Variants in RNF128 observed in about 807,000 individuals in gnomAD.
RNF128 encodes ring finger protein 128, also known as E3 ubiquitin-protein ligase RNF128.
RNF128 carries 13 observed loss-of-function variants against 26.2 expected under a neutral mutation model. The observed-to-expected ratio is 0.50, with a 90% CI of 0.32 to 0.79. RNF128 has a LOEUF of 0.79. Ranked by LOEUF, RNF128 falls within the 30% of genes least tolerant of loss-of-function variation. RNF128 has a pLI of 0.03. For missense variants in RNF128, 315 were observed against 349.7 expected, an observed-to-expected ratio of 0.90 and a Z score of 0.79; for synonymous variants, 149 against 142.5, an observed-to-expected ratio of 1.05 and a Z score of -0.32.
intron 1 of RNF128, among the ~76,000 whole-genome samples, chrX:106,704,410 C>G (rs1380978694): frequency 1.1e-4 from 9 of 85,433 alleles, no homozygotes; most frequent in Non-Finnish European, 1.5e-4. Flanking sequence ...CCAGCCTGGG[C>G]GACAGAGCGA....
intron 1 of RNF128, among the ~76,000 whole-genome samples, chrX:106,718,838 T>C (rs1390698139): frequency 6.2e-5 from 7 of 112,071 alleles, no homozygotes; most frequent in Admixed American, 9.4e-5. Context: ...GAATCATGAG[T>C]GGCAAGGCAG....
intron 1 of RNF128, among the ~76,000 whole-genome samples, chrX:106,721,288 G>C (rs1344818525): frequency 1.8e-5 from 2 of 112,002 alleles, no homozygotes; most frequent in East Asian, 5.6e-4. Flanking sequence ...GCATCACTTA[G>C]ATGCCAGGAT....
intron 4 of RNF128, among the ~76,000 whole-genome samples, chrX:106,788,435 ATAT>A (rs1261227069): frequency 1.3e-4 from 6 of 46,056 alleles, no homozygotes; most frequent in Non-Finnish European, 1.4e-4. Flanking sequence ...ATTATATATA[ATAT>A]TATTATAATT....
At chrX:106,762,886 G>A (rs1930143656) in intron 1 of RNF128, among the ~76,000 whole-genome samples, 1 of 109,643 alleles carries the variant, frequency 9.1e-6, no homozygotes, top group Non-Finnish European at 1.9e-5. Context: ...TGGAGGAAGG[G>A]AGGAGGATGA....
intron 2 of RNF128, among the ~76,000 whole-genome samples, chrX:106,783,965 AC>A (rs1445701973): frequency 1.8e-5 from 2 of 111,012 alleles, no homozygotes; most frequent in African/African-American, 6.6e-5. Context: ...AATACCTCCC[AC>A]CACGCCCCAC....
chrX:106,721,078 C>T (rs1569436798), intron 1 of RNF128, among the ~76,000 whole-genome samples: 1 of 112,085 alleles, frequency 8.9e-6, no homozygotes, highest in Non-Finnish European at 1.9e-5. Context: ...TCTTCATTTG[C>T]AAGTGACATT....
At chrX:106,711,728 G>A (rs1015944943) in intron 1 of RNF128, among the ~76,000 whole-genome samples, 2 of 110,337 alleles carry the variant, frequency 1.8e-5, no homozygotes, top group African/African-American at 6.6e-5. Flanking sequence ...TTTAAGTTCC[G>A]GGATACATGT....
intron 2 of RNF128, among the ~76,000 whole-genome samples, chrX:106,774,925 T>A (rs1930441021): frequency 8.9e-6 from 1 of 112,395 alleles, no homozygotes; most frequent in African/African-American, 3.2e-5. Flanking sequence ...GATTTTTATA[T>A]AGCAAGAAAG....
intron 1 of RNF128, among the ~76,000 whole-genome samples, chrX:106,753,218 G>T (rs990392847): frequency 3.6e-5 from 4 of 111,388 alleles, no homozygotes; most frequent in African/African-American, 1.3e-4. Context: ...ACTAAGAGAT[G>T]AACCTATCAA....
intron 1 of RNF128, among the ~76,000 whole-genome samples, chrX:106,718,783 G>A (rs375413502): frequency 5.4e-5 from 6 of 111,878 alleles, no homozygotes; most frequent in African/African-American, 1.9e-4. Flanking sequence ...CAACATAACC[G>A]TAACACTTGT....
upstream of RNF128, chrX:106,726,695 G>A: frequency 9.8e-7 from 1 of 1,020,949 alleles, no homozygotes; most frequent in Non-Finnish European, 1.2e-6. Flanking sequence ...GCCCGACGCG[G>A]CAGCCGCGGT....
intron 1 of RNF128, among the ~76,000 whole-genome samples, chrX:106,728,329 A>G (rs1929444984): frequency 8.9e-6 from 1 of 112,050 alleles, no homozygotes. Flanking sequence ...CTTGGTTTAA[A>G]TTCCTACTCT....
rs1437520614 is a variant in RNF128, at chrX:106,753,225, T to C, written c.485-19688T>C. On this transcript the variant is annotated intron_variant, in intron 1 of 6. Transcript: ENST00000255499. ...GTAGGAAGACTAAGAGATGAACCTA[T>C]CAAAAATAATAACTGCAAGTTTTGA... Among the ~76,000 whole-genome samples the C allele has an allele frequency of 4.5e-5, 5 of 111,133 alleles. No individual in the cohort carries two copies. The East Asian group carries it at 8.5e-4, about 19-fold the overall frequency.
At chrX:106,794,805 C>A (rs929472673) in intron 6 of RNF128, among the ~76,000 whole-genome samples, 1 of 110,946 alleles carries the variant, frequency 9.0e-6, no homozygotes, top group Non-Finnish European at 1.9e-5. Flanking sequence ...CAATCCCACA[C>A]TACAGGGTTC....
chrX:106,694,391 T>C, exon 1 of RNF128: 1 of 1,183,766 alleles, frequency 8.4e-7, no homozygotes, highest in Non-Finnish European at 1.1e-6. Flanking sequence ...AATCAGACGA[T>C]ACAGATGGCA....
intron 1 of RNF128, among the ~76,000 whole-genome samples, chrX:106,699,925 C>G: frequency 9.0e-6 from 1 of 111,577 alleles, no homozygotes; most frequent in Middle Eastern, 4.6e-3. Context: ...CTCCCTTGAC[C>G]TTATACATAT....
chrX:106,753,536 G>C (rs898219590), intron 1 of RNF128, among the ~76,000 whole-genome samples: 1 of 110,328 alleles, frequency 9.1e-6, no homozygotes, highest in Non-Finnish European at 1.9e-5. Flanking sequence ...AGAAGACAGA[G>C]AGGGAACAAA....
chrX:106,718,701 C>T (rs973148926), intron 1 of RNF128, among the ~76,000 whole-genome samples: 5 of 111,322 alleles, frequency 4.5e-5, no homozygotes, highest in Admixed American at 1.9e-4. Flanking sequence ...AAGTCAAAAC[C>T]GAAGTCATTT....
chrX:106,749,330 G>A (rs1375418833), intron 1 of RNF128, among the ~76,000 whole-genome samples: 1 of 111,858 alleles, frequency 8.9e-6, no homozygotes, highest in African/African-American at 3.2e-5. Flanking sequence ...TAATTTGAAA[G>A]GTTTGGAATT....
Sources: allele counts gnomAD v4.1 joint callset (sites outside exome capture counted in the v4.1 genomes callset), GRCh38; gene constraint gnomAD v4.1.1; transcripts MANE v1.5; gene names NCBI Gene and HGNC (gene_info 2026-07-23, HGNC 2026-07-21).